The following TNNI3K variants were observed in gnomAD, a reference collection of about 807,000 sequenced individuals.
The protein encoded by TNNI3K is serine/threonine-protein kinase TNNI3K.
TNNI3K carries 140 observed loss-of-function variants against 114.5 expected under a neutral mutation model. The ratio of observed to expected loss-of-function variants is 1.22; its 90% CI spans 1.07 to 1.41. The LOEUF (loss-of-function observed/expected upper bound fraction) is 1.41. TNNI3K is among the 40% of genes most tolerant of loss of function. The pLI, the probability that TNNI3K is intolerant of heterozygous loss-of-function variation, is 0.00. For synonymous variants in TNNI3K, 347 were observed against 347.5 expected, an observed-to-expected ratio of 1.00 and a Z score of 0.02; for missense variants, 1,125 against 1,007.6, an observed-to-expected ratio of 1.12 and a Z score of -1.58.
intron 4 of TNNI3K, 42 bp downstream of exon 4, chr1:74,250,811 G>A: frequency 7.2e-7 from 1 of 1,380,532 alleles, no homozygotes; most frequent in Non-Finnish European, 9.9e-7. Flanking sequence ...TTGGAACTAA[G>A]GATAGTGTGT....
chr1:74,444,599 C>G (rs61776250), intron 20 of TNNI3K, among the ~76,000 whole-genome samples: 4 of 152,126 alleles, frequency 2.6e-5, no homozygotes, highest in Non-Finnish European at 5.9e-5. Context: ...TGAAAATGGC[C>G]AGACTGCCCA....
rs116781513 is a variant in TNNI3K, at chr1:74,385,761, G to A, written c.1772+15369G>A. ...AAGATGAGAGAGTGCCTTTGAGACT[G>A]TGCACTTACTTTCTATTCTTGTAGG... On this transcript the variant is annotated intron_variant, in intron 17 of 24. Transcript: ENST00000326637. 6.3e-3 allele frequency among the ~76,000 whole-genome samples: 962 copies of A among 152,330 alleles called. 13 individuals carry two copies. The highest frequency in any genetic ancestry group is 0.022 in the African/African-American group (920 of 41,578).
At chr1:74,405,267 G>A (rs955226777) in intron 17 of TNNI3K, among the ~76,000 whole-genome samples, 1 of 152,136 alleles carries the variant, frequency 6.6e-6, no homozygotes, top group African/African-American at 2.4e-5. Flanking sequence ...AGGTATCTCA[G>A]TGTGATTGAT....
chr1:74,432,086 A>G lies in TNNI3K; in HGVS notation c.1773-3994A>G, dbSNP rs192036585. 7.2e-3 allele frequency among the ~76,000 whole-genome samples: 1,093 copies of G among 151,542 alleles called. 13 individuals carry two copies. Among genetic ancestry groups the G allele is most frequent in the African/African-American group, 0.025 (1,009 of 40,920 alleles). ...TGTGTATGTGTGTGTGTGTGTGTGCACACATGCATATGCACAGCTTATGTG... is the reference window on the plus strand; with the variant it reads ...TGTGTATGTGTGTGTGTGTGTGTGCGCACATGCATATGCACAGCTTATGTG... On this transcript the variant is annotated intron_variant, in intron 17 of 24. Transcript: ENST00000326637.
At chr1:74,247,639 G>C (rs905655555) in intron 2 of TNNI3K, among the ~76,000 whole-genome samples, 4 of 152,068 alleles carry the variant, frequency 2.6e-5, no homozygotes, top group African/African-American at 9.7e-5. Context: ...ACAGAGTGCT[G>C]ATTGGTGCAT....
intron 22 of TNNI3K, among the ~76,000 whole-genome samples, chr1:74,490,704 C>G (rs1167862463): frequency 6.6e-6 from 1 of 152,114 alleles, no homozygotes; most frequent in East Asian, 1.9e-4. Flanking sequence ...ACTTTTCAGT[C>G]AACGGTTTAG....
intron 21 of TNNI3K, chr1:74,468,860 T>C (rs1667786318): frequency 6.6e-6 from 1 of 152,132 alleles, no homozygotes; most frequent in Non-Finnish European, 1.5e-5. Flanking sequence ...TTTTTTACAG[T>C]GGTCTCAATA....
chr1:74,466,197 G>A (rs952268514), intron 21 of TNNI3K, among the ~76,000 whole-genome samples: 4 of 152,102 alleles, frequency 2.6e-5, no homozygotes, highest in Non-Finnish European at 5.9e-5. Flanking sequence ...GTGGGTGTGC[G>A]GCTTCATTCT....
At chr1:74,539,426 T>C (rs1055142665) in intron 23 of TNNI3K, among the ~76,000 whole-genome samples, 8 of 152,240 alleles carry the variant, frequency 5.3e-5, no homozygotes, top group African/African-American at 1.9e-4. Context: ...ATTATAGATA[T>C]ACAATTAACT....
At chr1:74,383,958 ATAGT>A (rs1481578516) in intron 17 of TNNI3K, among the ~76,000 whole-genome samples, 2 of 152,098 alleles carry the variant, frequency 1.3e-5, no homozygotes, top group Admixed American at 6.6e-5. Flanking sequence ...CACACACTAG[ATAGT>A]TAGGTAATCC....
intron 11 of TNNI3K, among the ~76,000 whole-genome samples, chr1:74,362,701 A>C (rs1253944947): frequency 2.6e-5 from 4 of 152,276 alleles, no homozygotes; most frequent in African/African-American, 7.2e-5. Flanking sequence ...ATCTTAAACA[A>C]AACCTAGGTT....
At chr1:74,312,667 C>A (rs1160704069) in intron 5 of TNNI3K, among the ~76,000 whole-genome samples, 2 of 152,178 alleles carry the variant, frequency 1.3e-5, no homozygotes, top group Non-Finnish European at 2.9e-5. Flanking sequence ...ATTGGCAAAA[C>A]TGTCCAAGTT....
At chr1:74,475,201 A>G (rs1668133007) in intron 21 of TNNI3K, 4 of 601,988 alleles carry the variant, frequency 6.6e-6, no homozygotes, top group South Asian at 2.1e-5. Flanking sequence ...AGTGATTTTT[A>G]TAGTATTTCC....
intron 15 of TNNI3K, 33 bp downstream of exon 15, chr1:74,369,297 G>A (rs199845064): frequency 2.7e-5 from 44 of 1,609,640 alleles, no homozygotes; most frequent in Non-Finnish European, 3.4e-5. Flanking sequence ...TTAACATCCA[G>A]GTGGAATTGT....
chr1:74,247,318 C>T (rs1432405198), intron 2 of TNNI3K, among the ~76,000 whole-genome samples: 2 of 152,084 alleles, frequency 1.3e-5, no homozygotes, highest in African/African-American at 2.4e-5. Flanking sequence ...GTTCATTCCT[C>T]CCAGTGGGTT....
At chr1:74,513,864 G>A (rs905731520) in intron 23 of TNNI3K, among the ~76,000 whole-genome samples, 17 of 152,192 alleles carry the variant, frequency 1.1e-4, no homozygotes, top group Non-Finnish European at 1.9e-4. Flanking sequence ...AATCTTTAAA[G>A]ATTTCAAGAA....
chr1:74,247,237 G>A (rs546069346), intron 2 of TNNI3K, among the ~76,000 whole-genome samples: 38 of 152,178 alleles, frequency 2.5e-4, no homozygotes, highest in Middle Eastern at 3.4e-3. Context: ...TGAAGCCGCC[G>A]ACCTTCGCAG....
intron 17 of TNNI3K, chr1:74,374,456 T>A (rs767107973): frequency 3.3e-5 from 5 of 151,928 alleles, no homozygotes; most frequent in Non-Finnish European, 7.4e-5. Flanking sequence ...TATCTTCTAC[T>A]GTAACAACAA....
At chr1:74,293,589 TTTTG>T (rs1031573806) in intron 5 of TNNI3K, among the ~76,000 whole-genome samples, 3 of 151,844 alleles carry the variant, frequency 2.0e-5, no homozygotes, top group African/African-American at 2.4e-5. Flanking sequence ...TTTCTAGTGA[TTTTG>T]TTTAATTCAC....
Sources: allele counts gnomAD v4.1 joint callset (sites outside exome capture counted in the v4.1 genomes callset), GRCh38; gene constraint gnomAD v4.1.1; transcripts MANE v1.5; gene names NCBI Gene and HGNC (gene_info 2026-07-23, HGNC 2026-07-21).